Variants in IARS1 observed in about 807,000 individuals in gnomAD.
IARS1 encodes the protein isoleucine--tRNA ligase, cytoplasmic.
IARS1 carries 124 observed loss-of-function variants against 168.2 expected under a neutral mutation model. The ratio of observed to expected loss-of-function variants is 0.74; its 90% confidence interval spans 0.64 to 0.86. IARS1 has a LOEUF of 0.86. Among genes scored for constraint, IARS1 ranks in the 40% least tolerant of loss-of-function variants. IARS1 has a pLI of 0.00. For synonymous variants in IARS1, 532 were observed against 529.4 expected (o/e 1.00, Z -0.07); for missense variants, 1,452 against 1,515.8 (o/e 0.96, Z 0.70).
chr9:92,265,434 T>C (rs562153887), intron 15 of IARS1, 46 bp downstream of exon 15: 21 of 1,520,624 alleles, frequency 1.4e-5, no homozygotes, highest in Middle Eastern at 1.7e-4. Flanking sequence ...CAGGTCTTAA[T>C]AGGAGAATCG....
chr9:92,270,905 T>G, intron 12 of IARS1, 80 bp downstream of exon 12: 1 of 905,930 alleles, frequency 1.1e-6, no homozygotes, highest in Non-Finnish European at 1.6e-6. Context: ...ACACCACAAA[T>G]AAGATGGAAT....
intron 17 of IARS1, among the ~76,000 whole-genome samples, chr9:92,262,371 C>A (rs932738984): frequency 1.4e-4 from 21 of 152,176 alleles, no homozygotes; most frequent in Admixed American, 3.9e-4. Flanking sequence ...GTACTCAGCA[C>A]AAATTCTATT....
intron 26 of IARS1, among the ~76,000 whole-genome samples, chr9:92,247,102 G>A (rs1038610284): frequency 1.3e-5 from 2 of 152,200 alleles, no homozygotes; most frequent in African/African-American, 4.8e-5. Flanking sequence ...GCTGAGGCAG[G>A]AGAATCACTT....
chr9:92,253,880 T>C (rs1211647079), intron 20 of IARS1: 2 of 471,146 alleles, frequency 4.2e-6, no homozygotes. Flanking sequence ...ACAATTCAGA[T>C]GCTAAGAGGC....
chr9:92,288,694 T>C (rs1002121165), intron 2 of IARS1, among the ~76,000 whole-genome samples: 1 of 152,148 alleles, frequency 6.6e-6, no homozygotes, highest in African/African-American at 2.4e-5. Flanking sequence ...TAGCCTTCTA[T>C]GGGGTACTTA....
intron 15 of IARS1, 43 bp downstream of exon 15, chr9:92,265,437 G>A: frequency 1.3e-6 from 2 of 1,534,244 alleles, no homozygotes; most frequent in South Asian, 1.1e-5. Flanking sequence ...GTCTTAATAG[G>A]AGAATCGTAA....
At chr9:92,258,050 C>G (rs1213505694) in intron 19 of IARS1, among the ~76,000 whole-genome samples, 1 of 152,178 alleles carries the variant, frequency 6.6e-6, no homozygotes, top group African/African-American at 2.4e-5. Context: ...TTATATGTGA[C>G]CCTAACAACC....
intron 8 of IARS1, 29 bp from the exon 9 acceptor site, chr9:92,277,952 T>A (rs1042911443): frequency 3.1e-6 from 5 of 1,603,002 alleles, no homozygotes; most frequent in Non-Finnish European, 4.3e-6. Context: ...AAACTCACAA[T>A]TAGATTAAAA....
chr9:92,253,873 A>G (rs373178258), intron 20 of IARS1: 5 of 473,514 alleles, frequency 1.1e-5, no homozygotes, highest in African/African-American at 9.8e-5. Context: ...AAAAAGCACA[A>G]TTCAGATGCT....
chr9:92,256,682 G>T lies in IARS1; in HGVS notation c.2135C>A (p.Ala712Glu). The part of the protein sequence containing the change: ...SLIGFFETEM[A>E]AYRLYTVVPR... ...AGGACAGACCAAGAGAGACTCACCTGCCATTTCAGTCTCAAAGAAGCCAAT... is the reference window on the plus strand; with the variant it reads ...AGGACAGACCAAGAGAGACTCACCTTCCATTTCAGTCTCAAAGAAGCCAAT... The change falls in exon 20 of 34, where the codon GCA (alanine) becomes GAA (glutamate). Residue 712 changes from alanine (A) to glutamate (E), a missense_variant and splice_region_variant. Physicochemically the swap from Ala to Glu is moderately radical, Grantham distance 107. Transcript: ENST00000443024. 2 of 1,613,252 alleles carry T rather than the reference G, an allele frequency of 1.2e-6. No individual in the cohort carries two copies. The highest frequency in any genetic ancestry group is 4.5e-5 in the East Asian group (2 of 44,862).
intron 10 of IARS1, among the ~76,000 whole-genome samples, chr9:92,272,686 C>T (rs1209829851): frequency 2.0e-5 from 3 of 152,034 alleles, no homozygotes; most frequent in African/African-American, 7.2e-5. Flanking sequence ...CCTGTCTCTA[C>T]TAAATTTACA....
In IARS1 at chr9:92,250,142, T is replaced by C. The variant is rs778933189; in HGVS notation, c.2532+45A>G. 5.6e-6 allele frequency: 7 copies of C among 1,243,398 alleles called. No individual in the cohort carries two copies. In the East Asian group the frequency reaches 1.4e-4, roughly 25 times the overall value. 77.0% of individuals were successfully genotyped at this position (1,243,398 alleles called of 1,614,324 possible). ...TTAAAAAAGCATTCCAAACACTTAA[T>C]TAATTTAGGTCTGTGCCATGTAAAA... On this transcript the variant is annotated intron_variant, in intron 24 of 33. Coordinates refer to ENST00000443024, the MANE Select transcript of IARS1 (RefSeq NM_002161.6).
chr9:92,258,696 C>T (rs1831081077), intron 19 of IARS1, among the ~76,000 whole-genome samples, 158 bp downstream of exon 19: 2 of 152,206 alleles, frequency 1.3e-5, no homozygotes, highest in African/African-American at 2.4e-5. Context: ...ACCTTCCGCA[C>T]CTGCATGTAT....
At chr9:92,259,067 A>G in intron 18 of IARS1, 69 bp from the exon 19 acceptor site, 1 of 1,333,206 alleles carries the variant, frequency 7.5e-7, no homozygotes, top group Non-Finnish European at 1.0e-6. Context: ...TACTCGACAT[A>G]TTGAGAGAGC....
chr9:92,275,766 G>T (rs1833696067), intron 9 of IARS1, among the ~76,000 whole-genome samples: 1 of 152,204 alleles, frequency 6.6e-6, no homozygotes, highest in Admixed American at 6.5e-5. Context: ...AGTGTCCGCT[G>T]ACTCAGCTTC....
At chr9:92,268,415 G>T in intron 13 of IARS1, 115 bp from the exon 14 acceptor site, 1 of 1,005,550 alleles carries the variant, frequency 9.9e-7, no homozygotes, top group Non-Finnish European at 1.5e-6. Flanking sequence ...CTCTGGAAAC[G>T]TGGCGCTCAC....
intron 15 of IARS1, 119 bp downstream of exon 15, chr9:92,265,361 C>A: frequency 1.0e-6 from 1 of 973,578 alleles, no homozygotes; most frequent in South Asian, 1.4e-5. Context: ...TGACATGAGT[C>A]ATCAGCAAAG....
chr9:92,224,538 G>A (rs1470085139), intron 31 of IARS1, among the ~76,000 whole-genome samples: 2 of 152,150 alleles, frequency 1.3e-5, no homozygotes, highest in African/African-American at 4.8e-5. Context: ...CTATGAATGA[G>A]GATCTAAAAA....
At chr9:92,268,361 T>G (rs1156568663) in intron 13 of IARS1, 61 bp from the exon 14 acceptor site, 7 of 1,547,122 alleles carry the variant, frequency 4.5e-6, no homozygotes, top group Non-Finnish European at 6.2e-6. Flanking sequence ...AACATGTAAA[T>G]AATACCCACA....
Sources: allele counts gnomAD v4.1 joint callset (sites outside exome capture counted in the v4.1 genomes callset), GRCh38; gene constraint gnomAD v4.1.1; transcripts MANE v1.5; gene names NCBI Gene and HGNC (gene_info 2026-07-23, HGNC 2026-07-21).